Variants in CEACAM20 observed in about 807,000 individuals in gnomAD.
CEACAM20 encodes the protein cell adhesion molecule CEACAM20.
CEACAM20 carries 50 observed loss-of-function variants against 61.2 expected under a neutral mutation model. That is an observed-to-expected ratio of 0.82 (90% CI 0.65 to 1.03). The LOEUF (loss-of-function observed/expected upper bound fraction) is 1.03, where lower values mean the gene tolerates loss of function less well. Among genes scored for constraint, CEACAM20 ranks in the 50% least tolerant of loss-of-function variants. The probability of loss-of-function intolerance (pLI) is 0.00; values close to 1 mark genes in which losing one functional copy is unlikely to be tolerated. For synonymous variants in CEACAM20, 282 were observed against 287.7 expected (o/e 0.98, Z 0.20); for missense variants, 683 against 736.4 (o/e 0.93, Z 0.84).
intron 6 of CEACAM20, among the ~76,000 whole-genome samples, chr19:44,516,667 T>C (rs1315034128): frequency 2.0e-5 from 3 of 152,156 alleles, no homozygotes; most frequent in African/African-American, 7.2e-5. Context: ...ATCAGCAGCA[T>C]GAAAATGGAC....
rs763421442 is a variant in CEACAM20 at position 44,517,009 on chromosome 19, A to G, written c.1246T>C (p.Cys416Arg). Residue 416 changes from cysteine (C) to arginine (R), a missense_variant, in exon 6 of 12, where the codon TGC (cysteine) becomes CGC (arginine). Coordinates refer to ENST00000614924, the MANE Select transcript of CEACAM20 (RefSeq NM_001102597.3). The part of the protein sequence containing the change: ...LTWEHDGIYN[C>R]TASNSLTGLA... ...CCAGTGAGAGAGTTGGAGGCTGTGC[A>G]GTTGTAGATCCCGTCGTGTTCCCAG... 9 of 1,597,564 alleles carry G rather than the reference A, an allele frequency of 5.6e-6. No individual in the cohort carries two copies. Among genetic ancestry groups the G allele is most frequent in the Non-Finnish European group, 8.5e-7 (1 of 1,172,448 alleles).
At chr19:44,519,053 C>T (rs1015385372) in intron 5 of CEACAM20, among the ~76,000 whole-genome samples, 32 of 152,084 alleles carry the variant, frequency 2.1e-4, no homozygotes, top group African/African-American at 7.7e-4. Flanking sequence ...TGCCTCAAGG[C>T]CATCGCACAC....
At position 44,520,387 on chromosome 19, in the gene CEACAM20, A is replaced by G. The variant is rs1241025141; in HGVS notation, c.1030+87T>C. 2.0e-6 allele frequency: 3 copies of G among 1,507,902 alleles called. No individual in the cohort carries two copies. The African/African-American group carries it at 4.1e-5, about 21-fold the overall frequency. 93.4% of individuals were successfully genotyped at this position (1,507,902 alleles called of 1,614,324 possible). ...CCTGACACAGAGCAGGAGCTCAATA[A>G]TCATAGCATGAATGACTAGAAGGAA... On this transcript the variant is annotated intron_variant, in intron 5 of 11. Coordinates refer to ENST00000614924, the MANE Select transcript of CEACAM20 (RefSeq NM_001102597.3).
intron 11 of CEACAM20, among the ~76,000 whole-genome samples, chr19:44,508,016 C>T (rs955401943): frequency 6.6e-6 from 1 of 152,200 alleles, no homozygotes; most frequent in Non-Finnish European, 1.5e-5. Flanking sequence ...TCTGGAACAA[C>T]AAGGAACACA....
At chr19:44,528,730 TTA>T (rs1339307257) in intron 1 of CEACAM20, among the ~76,000 whole-genome samples, 1 of 151,948 alleles carries the variant, frequency 6.6e-6, no homozygotes, top group Admixed American at 6.6e-5. Flanking sequence ...TGGTCTCTGT[TTA>T]TGTCTCCTTC....
At chr19:44,509,904 T>C (rs901348152) in intron 11 of CEACAM20, among the ~76,000 whole-genome samples, 1 of 151,986 alleles carries the variant, frequency 6.6e-6, no homozygotes, top group Non-Finnish European at 1.5e-5. Flanking sequence ...GGACATTGCC[T>C]AGGAAGGAAT....
At chr19:44,507,536 T>C (rs774549331) in intron 11 of CEACAM20, among the ~76,000 whole-genome samples, 14 of 152,162 alleles carry the variant, frequency 9.2e-5, no homozygotes, top group Non-Finnish European at 1.8e-4. Flanking sequence ...GATGAATTCA[T>C]AGATTAGTGA....
intron 11 of CEACAM20, among the ~76,000 whole-genome samples, chr19:44,508,257 G>A (rs1282188682): frequency 2.0e-5 from 3 of 152,320 alleles, no homozygotes; most frequent in African/African-American, 7.2e-5. Context: ...CTGTCCTGAT[G>A]ACAGGGTTGA....
intron 5 of CEACAM20, among the ~76,000 whole-genome samples, chr19:44,519,038 T>C (rs1049930649): frequency 1.3e-5 from 2 of 152,066 alleles, no homozygotes; most frequent in Non-Finnish European, 2.9e-5. Flanking sequence ...TGTTACACTC[T>C]CTCTTGCCTC....
chr19:44,526,619 G>C (rs573521324), intron 1 of CEACAM20, among the ~76,000 whole-genome samples: 1 of 152,152 alleles, frequency 6.6e-6, no homozygotes, highest in Admixed American at 6.6e-5. Flanking sequence ...GCTCATGCTT[G>C]TAATCCCAGC....
At chr19:44,522,990 T>C (rs1247491187) in intron 3 of CEACAM20, 78 bp from the exon 4 acceptor site, 5 of 1,227,770 alleles carry the variant, frequency 4.1e-6, no homozygotes, top group Non-Finnish European at 5.7e-6. Flanking sequence ...AACGGATCAA[T>C]AAATACTTTA....
rs1160516068 is a variant in CEACAM20, at chr19:44,524,099, C to T, written c.359G>A (p.Gly120Asp). The change falls in exon 3 of 12, where the codon GGC (glycine) becomes GAC (aspartate). Residue 120 changes from glycine (G) to aspartate (D), a missense_variant. By Grantham distance (94) the Gly-to-Asp change is moderately conservative. Transcript: ENST00000614924. ...GACAATGAGAATGGTGAGGATCTTG[C>T]CATCCTTGGACAGCTGCATGCGCTC... ...FHERMQLSKD[G>D]KILTILIVQR... 2 of 1,602,482 alleles carry T rather than the reference C, an allele frequency of 1.2e-6. No individual in the cohort carries two copies. Among genetic ancestry groups the T allele is most frequent in the Admixed American group, 3.5e-5 (2 of 57,402 alleles).
At chr19:44,528,171 C>T (rs1006294595) in intron 1 of CEACAM20, among the ~76,000 whole-genome samples, 64 of 72,610 alleles carry the variant, frequency 8.8e-4, no homozygotes, top group Middle Eastern at 6.7e-3. Flanking sequence ...TCTTTCTTTC[C>T]TTTCTTTCTT....
At chr19:44,512,147 A>G in intron 8 of CEACAM20, 69 bp from the exon 9 acceptor site, 1 of 1,188,160 alleles carries the variant, frequency 8.4e-7, no homozygotes, top group Non-Finnish European at 1.2e-6. Flanking sequence ...CTGTTTTTCC[A>G]GGACCCCTGA....
chr19:44,506,555 G>A (rs1568443839), intron 11 of CEACAM20, among the ~76,000 whole-genome samples: 2 of 152,372 alleles, frequency 1.3e-5, no homozygotes, highest in South Asian at 2.1e-4. Context: ...ATGATTGCAT[G>A]TATGTGATTC....
At chr19:44,520,945 G>A (rs1599680888) in intron 4 of CEACAM20, among the ~76,000 whole-genome samples, 193 bp from the exon 5 acceptor site, 1 of 152,146 alleles carries the variant, frequency 6.6e-6, no homozygotes, top group Admixed American at 6.6e-5. Context: ...AATGTGTGTC[G>A]TGTGATTATT....
intron 6 of CEACAM20, among the ~76,000 whole-genome samples, chr19:44,514,598 ACTG>A (rs1568449410): frequency 6.6e-6 from 1 of 151,974 alleles, no homozygotes; most frequent in African/African-American, 2.4e-5. Context: ...ACAGGTGTGC[ACTG>A]CCATGCCTGG....
At position 44,522,673 on chromosome 19, in the gene CEACAM20, G is replaced by T. The variant is rs1971401143; in HGVS notation, c.712C>A (p.His238Asn). 6.2e-7 allele frequency: 1 copy of T among 1,613,542 alleles called. No homozygotes were observed. The part of the protein sequence containing the change: ...YRCLVSNSAT[H>N]LSSLGTLKVR... ...TTCAGAGTACCCAGGCTGGACAGGTGGGTGGCACTGTTGGACACCAAGCAC... is the reference window on the plus strand; with the variant it reads ...TTCAGAGTACCCAGGCTGGACAGGTTGGTGGCACTGTTGGACACCAAGCAC... The change falls in exon 4 of 12, where the codon CAC (histidine) becomes AAC (asparagine). Residue 238 changes from histidine (H) to asparagine (N), a missense_variant. Physicochemically the swap from His to Asn is moderately conservative, Grantham distance 68. Coordinates refer to ENST00000614924, the MANE Select transcript of CEACAM20 (RefSeq NM_001102597.3).
At chr19:44,510,604 GAAAGAA>G (rs1189648284) in intron 11 of CEACAM20, among the ~76,000 whole-genome samples, 2,549 of 72,668 alleles carry the variant, frequency 0.035, 143 homozygotes, top group East Asian at 0.11. Context: ...AAGAAAGAAA[GAAAGAA>G]AAAGGAAGGA....
Sources: gnomAD v4.1 joint callset for allele counts (sites outside exome capture counted in the v4.1 genomes callset) on GRCh38, gnomAD v4.1.1 for gene constraint, MANE v1.5 for transcripts, NCBI Gene and HGNC (gene_info 2026-07-23, HGNC 2026-07-21) for gene names.